The following SF3A1 variants were observed in gnomAD, a reference collection of about 807,000 sequenced individuals.
SF3A1 encodes the protein SAP 114.
A neutral mutation model predicts 89.9 loss-of-function variants in SF3A1; 13 were observed. The ratio of observed to expected loss-of-function variants is 0.14; its 90% confidence interval spans 0.09 to 0.23. SF3A1 has a LOEUF of 0.23. SF3A1 is among the 10% of genes least tolerant of loss of function. The pLI is 1.00. For synonymous variants in SF3A1, 405 were observed against 374.4 expected, an observed-to-expected ratio of 1.08 and a Z score of -0.94; for missense variants, 604 against 1,022.1, an observed-to-expected ratio of 0.59 and a Z score of 5.58.
rs186299810 is a variant in SF3A1 at position 30,351,789 on chromosome 22, C to T, written c.185+1162G>A. Reference sequence around the variant, plus strand: ...CTAGGATTACAAGCAAGAGCCACAGCACCTGACCTCCTCATTTTTAAATAG... The same window carrying T: ...CTAGGATTACAAGCAAGAGCCACAGTACCTGACCTCCTCATTTTTAAATAG... On this transcript the variant is annotated intron_variant, in intron 2 of 15. Coordinates refer to ENST00000215793, the MANE Select transcript of SF3A1 (RefSeq NM_005877.6). Among the ~76,000 whole-genome samples the T allele has an allele frequency of 2.0e-3, 306 of 152,352 alleles. 2 individuals carry two copies. The highest frequency in any genetic ancestry group is 6.4e-3 in the African/African-American group (268 of 41,582).
chr22:30,355,545 T>C (rs774017487), intron 1 of SF3A1, among the ~76,000 whole-genome samples: 1 of 152,174 alleles, frequency 6.6e-6, no homozygotes, highest in African/African-American at 2.4e-5. Flanking sequence ...AATGTCACTA[T>C]TTGGCTTAAA....
rs763937296 is a variant in SF3A1, at chr22:30,346,374, C to A, written c.331G>T (p.Ala111Ser). 1 of 1,613,988 alleles carries A rather than the reference C, an allele frequency of 6.2e-7. No homozygotes were observed. The highest frequency in any genetic ancestry group is 8.5e-7 in the Non-Finnish European group (1 of 1,179,940). Residue 111 changes from alanine to serine, a missense_variant, in exon 3 of 16, where the codon GCC becomes TCC. Ala to Ser is a moderately conservative substitution (Grantham distance 99). Around this residue, in one of 9 missense-constraint regions of SF3A1, gnomAD observed 162 missense variants for 229.2 expected, o/e 0.71. Coordinates refer to ENST00000215793, the MANE Select transcript of SF3A1 (RefSeq NM_005877.6). ...FKEGKAQEPS[A>S]AIPKVMQQQQ... ...TGCTGCATGACCTTGGGGATGGCGG[C>A]GGACGGCTCCTGAGCCTTCCCTTCC...
rs762417601 is a variant in SF3A1, at chr22:30,344,966, G to A, written c.618C>T (p.Asn206=). 1.2e-6 allele frequency: 2 copies of A among 1,614,228 alleles called. No homozygotes were observed. Among genetic ancestry groups the A allele is most frequent in the Non-Finnish European group, 1.7e-6 (2 of 1,180,036 alleles). ...DFLRPQHSLF[N]YFTKLVEQYT... is the part of the protein sequence containing the mutation. ...ACTGTTCCACTAGCTTCGTGAAGTA[G>A]TTGAAGAGGCTGTGCTGTGGGCGGA... The change falls in exon 4 of 16, where the codon AAC becomes AAT. Residue 206 remains asparagine (N), a synonymous_variant. Coordinates refer to ENST00000215793, the MANE Select transcript of SF3A1 (RefSeq NM_005877.6).
chr22:30,339,734 G>A (rs910792616), intron 9 of SF3A1, among the ~76,000 whole-genome samples: 2 of 152,188 alleles, frequency 1.3e-5, no homozygotes, highest in South Asian at 2.1e-4. Context: ...CAGCCTGGGA[G>A]ACAGAGTGAA....
In SF3A1 at chr22:30,333,329, C is replaced by G. The variant is rs1325663439; in HGVS notation, c.*1265G>C. The G allele has an allele frequency of 1.3e-5, 2 of 152,204 alleles. No individual in the cohort carries two copies. The highest frequency in any genetic ancestry group is 4.8e-5 in the African/African-American group (2 of 41,432). The allele number at this position is 152,204 out of a possible 1,614,324, so 9.4% of individuals were successfully genotyped here. ...CACCCCTCTGAGCCCTGGAGATGAC[C>G]TGATGGGGCAGCTAGGAGGTCCAAA... On this transcript the variant is annotated 3_prime_UTR_variant, in exon 16 of 16. Transcript: ENST00000215793.
chr22:30,339,786 G>T (rs950299243), intron 9 of SF3A1, among the ~76,000 whole-genome samples: 52 of 152,164 alleles, frequency 3.4e-4, no homozygotes, highest in African/African-American at 1.2e-3. Flanking sequence ...AAATAAGATG[G>T]TGAGTTAGAG....
At chr22:30,337,988 G>C (rs1931127268) in intron 11 of SF3A1, 91 bp from the exon 12 acceptor site, 2 of 901,440 alleles carry the variant, frequency 2.2e-6, no homozygotes. Context: ...GCAGCTCTGA[G>C]GATGGAGGTT....
At chr22:30,336,946 G>T in intron 13 of SF3A1, 80 bp downstream of exon 13, 1 of 1,543,628 alleles carries the variant, frequency 6.5e-7, no homozygotes, top group Non-Finnish European at 8.9e-7. Flanking sequence ...AGTGAAATAG[G>T]GTCAGTTTCG....
chr22:30,352,806 T>C (rs1931642207), intron 2 of SF3A1, 145 bp downstream of exon 2: 2 of 870,676 alleles, frequency 2.3e-6, no homozygotes, highest in African/African-American at 1.7e-5. Flanking sequence ...TCCTACCTAT[T>C]GCCTACCCCA....
intron 3 of SF3A1, 60 bp downstream of exon 3, chr22:30,346,252 T>C (rs1401801261): frequency 6.1e-6 from 7 of 1,138,912 alleles, no homozygotes; most frequent in Non-Finnish European, 7.9e-6. Flanking sequence ...GTGTACTCCC[T>C]CCCTATCCCT....
rs771432828 is a variant in SF3A1 at position 30,346,323 on chromosome 22, G to T, written c.382C>A (p.Leu128Met). 8.7e-6 allele frequency: 14 copies of T among 1,611,826 alleles called. No homozygotes were observed. Among genetic ancestry groups the T allele is most frequent in the Non-Finnish European group, 5.1e-6 (6 of 1,177,978 alleles). ...ACTGGGCTCCAAACCTTCTGGGGCA[G>T]CTGCTGCTGGGTGGTCTGCTGCTGC... is the stretch of plus-strand genomic sequence containing the variant. ...QQQQQTTQQQ[L>M]PQKVQAQVIQ... Residue 128 changes from leucine to methionine, a missense_variant, in exon 3 of 16, where the codon CTG becomes ATG. Coordinates refer to ENST00000215793, the MANE Select transcript of SF3A1 (RefSeq NM_005877.6).
intron 13 of SF3A1, among the ~76,000 whole-genome samples, chr22:30,336,579 C>T (rs1317846716): frequency 6.6e-6 from 1 of 152,134 alleles, no homozygotes; most frequent in Non-Finnish European, 1.5e-5. Flanking sequence ...TGACAAGGTC[C>T]CCACCTCCCC....
intron 1 of SF3A1, among the ~76,000 whole-genome samples, chr22:30,355,306 C>A (rs760528960): frequency 7.2e-5 from 11 of 152,198 alleles, no homozygotes; most frequent in Non-Finnish European, 1.3e-4. Flanking sequence ...CCACTGGACC[C>A]GGCCAAGAAC....
chr22:30,338,294 A>C (rs1419473823), intron 11 of SF3A1, among the ~76,000 whole-genome samples: 1 of 152,096 alleles, frequency 6.6e-6, no homozygotes, highest in Non-Finnish European at 1.5e-5. Context: ...CCTCATCTCT[A>C]CTAAAAATAC....
At chr22:30,344,338 T>C (rs566563049) in intron 4 of SF3A1, among the ~76,000 whole-genome samples, 66 of 152,370 alleles carry the variant, frequency 4.3e-4, no homozygotes, top group Admixed American at 1.8e-3. Flanking sequence ...ATGTTAGTTA[T>C]ACTGACTTAC....
In SF3A1 at chr22:30,342,262, G is replaced by C; in HGVS notation, c.815C>G (p.Ala272Gly). ...CACAAAATCATGCCAGTCGATCTGA[G>C]CATAGGCCACCCGCTCCTTCTCCTT... is the stretch of plus-strand genomic sequence containing the variant. ...EEKEKERVAYAQIDWHDFVVV... is the reference protein window; with the variant it reads ...EEKEKERVAYGQIDWHDFVVV... Residue 272 changes from alanine (A) to glycine (G), a missense_variant, in exon 6 of 16, where the codon GCT becomes GGT. Physicochemically the swap from Ala to Gly is moderately conservative, Grantham distance 60 (BLOSUM62 0). This residue lies in a region of SF3A1 where 6 missense variants were observed against 36.3 expected (regional missense o/e 0.17). Coordinates refer to ENST00000215793, the MANE Select transcript of SF3A1 (RefSeq NM_005877.6). 6.2e-7 allele frequency: 1 copy of C among 1,614,168 alleles called. No homozygotes were observed. Among genetic ancestry groups the C allele is most frequent in the Non-Finnish European group, 8.5e-7 (1 of 1,180,024 alleles).
chr22:30,339,148 G>C lies in SF3A1; in HGVS notation c.1479C>G (p.Ile493Met), dbSNP rs1931169769. The change falls in exon 10 of 16, where the codon ATC becomes ATG. Residue 493 changes from isoleucine to methionine, a missense_variant. This residue lies in a region of SF3A1 where 22 missense variants were observed against 116.0 expected (regional missense o/e 0.19). Transcript: ENST00000215793. ...GCCGCACCTTTTCCTCTGGCTTCTG[G>C]ATCTCCTCCTCACCGATCTTCTTAC... ...AIGKKIGEEE[I>M]QKPEEKVTWD... is the part of the protein sequence containing the mutation. 1 of 1,614,152 alleles carries C rather than the reference G, an allele frequency of 6.2e-7. No homozygotes were observed. The highest frequency in any genetic ancestry group is 8.5e-7 in the Non-Finnish European group (1 of 1,180,046).
chr22:30,334,473 G>A lies in SF3A1; in HGVS notation c.*121C>T. 1.6e-6 allele frequency: 1 copy of A among 634,274 alleles called. No homozygotes were observed. The highest frequency in any genetic ancestry group is 2.1e-5 in the South Asian group (1 of 46,832). 39.3% of individuals were successfully genotyped at this position (634,274 alleles called of 1,614,324 possible). ...GCAGGACAATTTGAATTCCCAAACT[G>A]AGTAAGAGCGAAACAAATATGCAGG... On this transcript the variant is annotated 3_prime_UTR_variant, in exon 16 of 16. Transcript: ENST00000215793.
In SF3A1 at chr22:30,337,910, G is replaced by A. The variant is rs753693633; in HGVS notation, c.1744-13C>T. Reference sequence around the variant, plus strand: ...CTGGAGGTGGCATCTGTGCAGGAAAGAGACCCACAGATTACAGGAAGCCAA... The same window carrying A: ...CTGGAGGTGGCATCTGTGCAGGAAAAAGACCCACAGATTACAGGAAGCCAA... On this transcript the variant is annotated splice_polypyrimidine_tract_variant and intron_variant, in intron 11 of 15. Transcript: ENST00000215793. The A allele has an allele frequency of 6.3e-7, 1 of 1,584,124 alleles. No individual in the cohort carries two copies.
Sources: gnomAD v4.1 joint callset for allele counts (sites outside exome capture counted in the v4.1 genomes callset) on GRCh38, gnomAD v4.1.1 for gene constraint, gnomAD v4.1.1 regional missense constraint, MANE v1.5 for transcripts, NCBI Gene and HGNC (gene_info 2026-07-23, HGNC 2026-07-21) for gene names.